The following TMCC3 variants were observed in gnomAD, a reference collection of about 807,000 sequenced individuals.
The protein encoded by TMCC3 is transmembrane and coiled-coil domain protein 3.
TMCC3 carries 28 observed loss-of-function variants against 40.2 expected under a neutral mutation model. That is an observed-to-expected ratio of 0.70 (90% CI 0.52 to 0.95). The LOEUF (loss-of-function observed/expected upper bound fraction) is 0.95. Among genes scored for constraint, TMCC3 ranks in the 40% least tolerant of loss-of-function variants. The pLI is 0.00. For missense variants in TMCC3, 554 were observed against 615.2 expected (o/e 0.90, Z 1.05); for synonymous variants, 255 against 248.5 (o/e 1.03, Z -0.25).
chr12:94,615,992 T>A, intron 1 of TMCC3: 3 of 985,404 alleles, frequency 3.0e-6, no homozygotes, highest in Non-Finnish European at 3.6e-6. Context: ...CCCGAGGCAT[T>A]TGAATCTGCA....
Position 94,582,557 on chromosome 12 carries a change from A to T in TMCC3, c.79-19T>A. 2.6e-6 allele frequency: 4 copies of T among 1,557,522 alleles called. No homozygotes were observed. The highest frequency in any genetic ancestry group is 3.5e-6 in the Non-Finnish European group (4 of 1,153,680). ...GTTCTACCTGAAAGAGACAGGAAAG[A>T]AGCACATTAAAATTTGAAGTCAAAG... is the stretch of plus-strand genomic sequence containing the variant. On this transcript the variant is annotated intron_variant, in intron 1 of 3. Transcript: ENST00000261226.
intron 1 of TMCC3, among the ~76,000 whole-genome samples, chr12:94,631,241 G>GCA (rs550188786): frequency 2.5e-4 from 38 of 152,124 alleles, no homozygotes; most frequent in South Asian, 1.0e-3. Context: ...ATGCACGTAT[G>GCA]CACACACACA....
At position 94,634,096 on chromosome 12, in the gene TMCC3, G is replaced by A. The variant is rs142733581; in HGVS notation, c.78+16257C>T. ...CAAGTAGCTGAGATTACAGGTGCCC[G>A]CCATCACCAGCTAATGTTTTGTATT... On this transcript the variant is annotated intron_variant, in intron 1 of 3. Coordinates refer to ENST00000261226, the MANE Select transcript of TMCC3 (RefSeq NM_020698.4). 3.0e-3 allele frequency among the ~76,000 whole-genome samples: 452 copies of A among 151,842 alleles called. 1 individual carries two copies. The highest frequency in any genetic ancestry group is 0.011 in the African/African-American group (435 of 41,398).
chr12:94,608,344 G>A (rs1204485805), intron 1 of TMCC3, among the ~76,000 whole-genome samples: 1 of 152,168 alleles, frequency 6.6e-6, no homozygotes, highest in Non-Finnish European at 1.5e-5. Context: ...CCTAGGATAT[G>A]ATGATCTGAA....
At chr12:94,638,131 A>G (rs964330617) in intron 1 of TMCC3, among the ~76,000 whole-genome samples, 2 of 152,206 alleles carry the variant, frequency 1.3e-5, no homozygotes, top group Non-Finnish European at 2.9e-5. Context: ...GAAGCAAAAC[A>G]TTGACAAGAC....
At chr12:94,601,218 G>A (rs1269440265) in intron 1 of TMCC3, among the ~76,000 whole-genome samples, 1 of 152,082 alleles carries the variant, frequency 6.6e-6, no homozygotes, top group Non-Finnish European at 1.5e-5. Flanking sequence ...ATACATATTA[G>A]AAACAAAGTG....
chr12:94,587,081 T>G lies in TMCC3; in HGVS notation c.79-4543A>C, dbSNP rs189015123. Among the ~76,000 whole-genome samples, 31 of 152,332 alleles carry G rather than the reference T, an allele frequency of 2.0e-4. No individual in the cohort carries two copies. In the East Asian group the frequency reaches 6.0e-3, roughly 29 times the overall value. On this transcript the variant is annotated intron_variant, in intron 1 of 3. Coordinates refer to ENST00000261226, the MANE Select transcript of TMCC3 (RefSeq NM_020698.4). ...ACAAACTGAAATTACATGTGCGTGC[T>G]AAAAGAAAGCTGCCAGTCCTCCACC...
At chr12:94,622,436 TG>T (rs1339667566) in intron 1 of TMCC3, among the ~76,000 whole-genome samples, 1 of 152,192 alleles carries the variant, frequency 6.6e-6, no homozygotes, top group Non-Finnish European at 1.5e-5. Flanking sequence ...TTACCATCAC[TG>T]TTTTGATTTT....
intron 1 of TMCC3, among the ~76,000 whole-genome samples, chr12:94,627,388 T>A (rs916972916): frequency 6.6e-6 from 1 of 152,104 alleles, no homozygotes; most frequent in Non-Finnish European, 1.5e-5. Flanking sequence ...AACATTCTAG[T>A]CCAAGCCACT....
chr12:94,616,019 T>C (rs774010338), intron 1 of TMCC3: 158 of 985,190 alleles, frequency 1.6e-4, no homozygotes, highest in Non-Finnish European at 1.9e-4. Flanking sequence ...GCAGGCTAGA[T>C]ATTCCAAACA....
rs1491022014 is a variant in TMCC3 at position 94,593,395 on chromosome 12, A to AAGAAAGAAG, written c.79-10866_79-10858dup. ...AAAGAAAAGAAAAGAAAGAAGAAAG[A>AAGAAAGAAG]AGAAAGAAGAAGAAGGAAGAAGAAG... On this transcript the variant is annotated intron_variant, in intron 1 of 3. Coordinates refer to ENST00000261226, the MANE Select transcript of TMCC3 (RefSeq NM_020698.4). 8.2e-5 allele frequency among the ~76,000 whole-genome samples: 6 copies of AAGAAAGAAG among 72,976 alleles called. 2 individuals carry two copies. Among genetic ancestry groups the AAGAAAGAAG allele is most frequent in the African/African-American group, 3.1e-4 (6 of 19,204 alleles). The allele number at this position is 72,976 out of a possible 152,430, so 47.9% of individuals were successfully genotyped here. A position where few individuals can be genotyped will look rare whatever the true frequency, so the allele number is the denominator to read the frequency against.
At chr12:94,638,301 T>C (rs1340390965) in intron 1 of TMCC3, among the ~76,000 whole-genome samples, 1 of 152,200 alleles carries the variant, frequency 6.6e-6, no homozygotes, top group Non-Finnish European at 1.5e-5. Context: ...CCCCCATGCC[T>C]GAATATGTGC....
intron 1 of TMCC3, among the ~76,000 whole-genome samples, chr12:94,648,520 C>G (rs879907008): frequency 1.3e-5 from 2 of 152,156 alleles, no homozygotes; most frequent in Non-Finnish European, 2.9e-5. Flanking sequence ...CCACCGCCCC[C>G]GGCCCGTCAG....
chr12:94,616,199 G>T, intron 1 of TMCC3: 2 of 626,752 alleles, frequency 3.2e-6, no homozygotes, highest in Non-Finnish European at 4.0e-6. Context: ...TCTTTGTGCA[G>T]TCAGCAGAAG....
intron 1 of TMCC3, among the ~76,000 whole-genome samples, chr12:94,646,170 A>G (rs1183926164): frequency 6.6e-6 from 1 of 152,146 alleles, no homozygotes; most frequent in Non-Finnish European, 1.5e-5. Flanking sequence ...ATAAGTGACT[A>G]AGGTGGGGGA....
chr12:94,576,073 C>A (rs1224784707), intron 3 of TMCC3, among the ~76,000 whole-genome samples: 1 of 152,208 alleles, frequency 6.6e-6, no homozygotes, highest in Non-Finnish European at 1.5e-5. Flanking sequence ...CCACTGCACT[C>A]GGCCCACTTG....
intron 1 of TMCC3, among the ~76,000 whole-genome samples, chr12:94,596,897 G>A (rs1309963685): frequency 6.6e-6 from 1 of 152,030 alleles, no homozygotes; most frequent in African/African-American, 2.4e-5. Flanking sequence ...AATGGTTCAT[G>A]GCTTGTGACA....
At chr12:94,627,493 T>A (rs2068910094) in intron 1 of TMCC3, among the ~76,000 whole-genome samples, 1 of 152,224 alleles carries the variant, frequency 6.6e-6, no homozygotes, top group Admixed American at 6.5e-5. Context: ...AGGCCTCTAC[T>A]GGCTCAGGAA....
rs1460977143 is a variant in TMCC3 at position 94,571,591 on chromosome 12, T to C, written c.1278A>G (p.Leu426=). 6.2e-7 allele frequency: 1 copy of C among 1,614,130 alleles called. No homozygotes were observed. Among genetic ancestry groups the C allele is most frequent in the Non-Finnish European group, 8.5e-7 (1 of 1,180,026 alleles). Residue 426 remains leucine, a synonymous_variant, in exon 4 of 4, where the codon TTA becomes TTG. Coordinates refer to ENST00000261226, the MANE Select transcript of TMCC3 (RefSeq NM_020698.4). The part of the protein sequence containing the change: ...NVILAFMTVI[L]VCVSTIAKFV... Reference sequence around the variant, plus strand: ...ACTTCGCGATGGTGGACACACACACTAAGATGACAGTCATGAAGGCCAGGA... The same window carrying C: ...ACTTCGCGATGGTGGACACACACACCAAGATGACAGTCATGAAGGCCAGGA...
Sources: gnomAD v4.1 joint callset for allele counts (sites outside exome capture counted in the v4.1 genomes callset) on GRCh38, gnomAD v4.1.1 for gene constraint, MANE v1.5 for transcripts, NCBI Gene and HGNC (gene_info 2026-07-23, HGNC 2026-07-21) for gene names.